Variants in TEX2 observed in about 807,000 individuals in gnomAD.
TEX2 encodes the protein testis-expressed protein 2.
Under a neutral mutation model 106.9 loss-of-function variants are expected in TEX2, and 53 were observed. That is an observed-to-expected ratio of 0.50 (90% CI 0.40 to 0.62). The LOEUF (loss-of-function observed/expected upper bound fraction) is 0.62, where lower values mean the gene tolerates loss of function less well. Among genes scored for constraint, TEX2 ranks in the 20% least tolerant of loss-of-function variants. The pLI is 0.00. For missense variants in TEX2, 1,207 were observed against 1,379.0 expected (o/e 0.88, Z 1.98); for synonymous variants, 523 against 534.8 (o/e 0.98, Z 0.30).
chr17:64,193,918 AT>A, intron 3 of TEX2, 29 bp from the exon 4 acceptor site: 1 of 1,467,712 alleles, frequency 6.8e-7, no homozygotes, highest in Non-Finnish European at 9.1e-7. Context: ...GATGATTTAT[AT>A]ATTAAAGATT....
intron 7 of TEX2, among the ~76,000 whole-genome samples, chr17:64,164,336 G>A (rs1412591915): frequency 1.3e-5 from 2 of 152,096 alleles, no homozygotes; most frequent in Admixed American, 6.5e-5. Flanking sequence ...TGCTAGGTAC[G>A]CTGAGGCACG....
At chr17:64,191,331 A>T (rs1393849344) in intron 4 of TEX2, among the ~76,000 whole-genome samples, 2 of 152,172 alleles carry the variant, frequency 1.3e-5, no homozygotes, top group African/African-American at 4.8e-5. Flanking sequence ...TCCATGAATA[A>T]CATGCCTCTT....
chr17:64,216,171 C>T (rs1405100082), intron 1 of TEX2, among the ~76,000 whole-genome samples: 2 of 152,236 alleles, frequency 1.3e-5, no homozygotes, highest in Non-Finnish European at 2.9e-5. Context: ...GAACTGGCAG[C>T]AGCCAGAAAA....
Position 64,209,630 on chromosome 17 carries a change from T to C in TEX2, c.1644+2944A>G, listed in dbSNP as rs78692459. Among the ~76,000 whole-genome samples the C allele has an allele frequency of 6.5e-3, 984 of 152,332 alleles. 25 individuals carry two copies. In the East Asian group the frequency reaches 0.081, roughly 13 times the overall value. On this transcript the variant is annotated intron_variant, in intron 2 of 11. Transcript: ENST00000584379. ...ATTCAAATACGTTTATCCTAGCCAC[T>C]GTGGGCAAAACACCTTCCTTAAAAG... is the stretch of plus-strand genomic sequence containing the variant.
Position 64,154,881 on chromosome 17 carries a change from G to C in TEX2, c.2891C>G (p.Pro964Arg). 1 of 1,608,704 alleles carries C rather than the reference G, an allele frequency of 6.2e-7. No homozygotes were observed. The highest frequency in any genetic ancestry group is 8.5e-7 in the Non-Finnish European group (1 of 1,178,130). Residue 964 changes from proline to arginine, a missense_variant, in exon 9 of 12, where the codon CCC (proline) becomes CGC (arginine). Transcript: ENST00000584379. ...GSSEEDDAPEPSGGDKQLLPG... is the reference protein window; with the variant it reads ...GSSEEDDAPERSGGDKQLLPG... ...GAGGAGCTGTTTGTCTCCCCCGCTG[G>C]GCTCTGGGGCATCGTCTTCCTCGGA...
At chr17:64,192,118 G>C (rs1018058719) in intron 4 of TEX2, among the ~76,000 whole-genome samples, 4 of 152,196 alleles carry the variant, frequency 2.6e-5, no homozygotes, top group Non-Finnish European at 5.9e-5. Flanking sequence ...TACCAGGAGA[G>C]CTAGGCAGTG....
At chr17:64,180,958 G>T (rs1389266979) in intron 5 of TEX2, among the ~76,000 whole-genome samples, 2 of 152,176 alleles carry the variant, frequency 1.3e-5, no homozygotes. Context: ...CGCCAGGGGG[G>T]TTGCACAAGG....
At chr17:64,243,728 T>C (rs1453874717) in intron 1 of TEX2, among the ~76,000 whole-genome samples, 4 of 152,176 alleles carry the variant, frequency 2.6e-5, no homozygotes, top group Non-Finnish European at 5.9e-5. Flanking sequence ...TGTGTGTACA[T>C]GTGCGGATTT....
At chr17:64,256,859 T>C (rs182995666) in intron 1 of TEX2, among the ~76,000 whole-genome samples, 393 of 152,196 alleles carry the variant, frequency 2.6e-3, no homozygotes, top group Middle Eastern at 0.01. Context: ...ATAATAAATA[T>C]AACCATCTAT....
At chr17:64,261,937 A>G (rs2034293598) in intron 1 of TEX2, among the ~76,000 whole-genome samples, 2 of 152,086 alleles carry the variant, frequency 1.3e-5, no homozygotes, top group African/African-American at 4.8e-5. Context: ...AAACTCACAA[A>G]CCTAGACTCC....
intron 8 of TEX2, among the ~76,000 whole-genome samples, chr17:64,160,063 T>C (rs1019697970): frequency 6.6e-6 from 1 of 152,250 alleles, no homozygotes; most frequent in Non-Finnish European, 1.5e-5. Context: ...GGGCTAAAGA[T>C]GTGAGAAGTA....
At chr17:64,238,889 G>C (rs146630937) in intron 1 of TEX2, among the ~76,000 whole-genome samples, 2 of 152,272 alleles carry the variant, frequency 1.3e-5, no homozygotes, top group Admixed American at 1.3e-4. Flanking sequence ...CAGGGTCTTT[G>C]CATCACCTAA....
At chr17:64,158,859 A>C (rs978851264) in intron 8 of TEX2, among the ~76,000 whole-genome samples, 5 of 152,166 alleles carry the variant, frequency 3.3e-5, no homozygotes, top group African/African-American at 1.2e-4. Flanking sequence ...ATTCCTCCTT[A>C]CTTTTAAAAA....
Position 64,213,796 on chromosome 17 carries a change from G to A in TEX2, c.422C>T (p.Ser141Leu), listed in dbSNP as rs374678024. The A allele has an allele frequency of 1.8e-5, 29 of 1,614,074 alleles. No homozygotes were observed. Among genetic ancestry groups the A allele is most frequent in the African/African-American group, 9.3e-5 (7 of 74,920 alleles). Residue 141 changes from serine (S) to leucine (L), a missense_variant, in exon 2 of 12, where the codon TCG becomes TTG. Transcript: ENST00000584379. The surrounding 1 kb of genome is among the most constrained non-coding windows in gnomAD (Gnocchi z 4.4). The part of the protein sequence containing the change: ...PLAVSPGSSS[S>L]GPLASSPSVS... Reference sequence around the variant, plus strand: ...ACTGGGAGAGCTAGCTAAGGGCCCCGACGAAGACGACCCTGGGGACACAGC... The same window carrying A: ...ACTGGGAGAGCTAGCTAAGGGCCCCAACGAAGACGACCCTGGGGACACAGC...
intron 5 of TEX2, among the ~76,000 whole-genome samples, chr17:64,178,909 G>C (rs1426529449): frequency 6.6e-6 from 1 of 152,200 alleles, no homozygotes; most frequent in Non-Finnish European, 1.5e-5. Context: ...TGGTGCACAC[G>C]TTGTTGCTTG....
At chr17:64,237,405 AT>A (rs1555635251) in intron 1 of TEX2, among the ~76,000 whole-genome samples, 1 of 152,104 alleles carries the variant, frequency 6.6e-6, no homozygotes, top group Non-Finnish European at 1.5e-5. Context: ...GTGAAGGCTT[AT>A]TGTATGTGGT....
At chr17:64,216,099 C>T (rs1205946583) in intron 1 of TEX2, among the ~76,000 whole-genome samples, 7 of 152,182 alleles carry the variant, frequency 4.6e-5, no homozygotes, top group Non-Finnish European at 1.0e-4. Flanking sequence ...CTCAGGCTTT[C>T]CTATCCTGAA....
chr17:64,224,436 C>A (rs2033448283), intron 1 of TEX2, among the ~76,000 whole-genome samples: 1 of 152,176 alleles, frequency 6.6e-6, no homozygotes, highest in Non-Finnish European at 1.5e-5. Context: ...GAACTGCCAG[C>A]AGCCATTCTA....
chr17:64,218,958 C>T (rs576728126), intron 1 of TEX2, among the ~76,000 whole-genome samples: 30 of 152,066 alleles, frequency 2.0e-4, no homozygotes, highest in Non-Finnish European at 4.0e-4. Context: ...CCAGAAATAC[C>T]TCCAGGGACC....
Sources: gnomAD v4.1 joint callset for allele counts (sites outside exome capture counted in the v4.1 genomes callset) on GRCh38, gnomAD v4.1.1 for gene constraint, Gnocchi (gnomAD v3.1) non-coding constraint, MANE v1.5 for transcripts, NCBI Gene and HGNC (gene_info 2026-07-23, HGNC 2026-07-21) for gene names.